Variants in BBX observed in about 807,000 individuals in gnomAD.
BBX encodes the protein HMG box transcription factor BBX.
Under a neutral mutation model 100.2 loss-of-function variants are expected in BBX, and 30 were observed. The ratio of observed to expected loss-of-function variants is 0.30; its 90% CI spans 0.22 to 0.41. The LOEUF (loss-of-function observed/expected upper bound fraction) is 0.41. Ranked by LOEUF, BBX falls within the 10% of genes least tolerant of loss-of-function variation. The probability of loss-of-function intolerance (pLI) is 1.00; values close to 1 mark genes in which losing one functional copy is unlikely to be tolerated. For missense variants in BBX, 1,023 were observed against 1,129.8 expected (o/e 0.91, Z 1.35); for synonymous variants, 376 against 388.1 (o/e 0.97, Z 0.37).
intron 3 of BBX, among the ~76,000 whole-genome samples, chr3:107,673,662 A>G (rs1361708250): frequency 6.6e-6 from 1 of 152,178 alleles, no homozygotes; most frequent in African/African-American, 2.4e-5. Flanking sequence ...GCTGCTTATT[A>G]GAGACAACCG....
At chr3:107,750,303 A>C (rs1193836766) in intron 9 of BBX, among the ~76,000 whole-genome samples, 2 of 152,166 alleles carry the variant, frequency 1.3e-5, no homozygotes, top group Non-Finnish European at 2.9e-5. Context: ...GAGCCTTTTA[A>C]AAAATTATTA....
chr3:107,563,660 C>G (rs1487231253), intron 2 of BBX, among the ~76,000 whole-genome samples: 1 of 152,112 alleles, frequency 6.6e-6, no homozygotes, highest in Non-Finnish European at 1.5e-5. Context: ...GTACTAATTT[C>G]TGAAATTATT....
At chr3:107,652,934 A>G (rs539952622) in intron 3 of BBX, among the ~76,000 whole-genome samples, 3 of 152,320 alleles carry the variant, frequency 2.0e-5, no homozygotes, top group African/African-American at 7.2e-5. Flanking sequence ...AGTTTACTAG[A>G]AAGTCTATTT....
chr3:107,774,941 C>T (rs895176037), intron 12 of BBX, 84 bp downstream of exon 12: 17 of 1,481,536 alleles, frequency 1.1e-5, no homozygotes, highest in African/African-American at 2.8e-5. Flanking sequence ...TCACTAACTA[C>T]GCATGCTTGT....
chr3:107,645,095 T>C (rs1553754392), intron 2 of BBX, among the ~76,000 whole-genome samples: 1 of 152,196 alleles, frequency 6.6e-6, no homozygotes, highest in Non-Finnish European at 1.5e-5. Context: ...TTCTTTTAGT[T>C]GAGTGTGGAT....
intron 8 of BBX, among the ~76,000 whole-genome samples, chr3:107,747,399 A>G (rs1425707429): frequency 6.6e-6 from 1 of 152,126 alleles, no homozygotes; most frequent in Non-Finnish European, 1.5e-5. Flanking sequence ...GCAGATTATT[A>G]TCATCATCAT....
chr3:107,718,157 T>A (rs2062239162), intron 5 of BBX, among the ~76,000 whole-genome samples: 1 of 148,908 alleles, frequency 6.7e-6, no homozygotes, highest in Non-Finnish European at 1.5e-5. Flanking sequence ...CTACTAAAAA[T>A]TATTAATAAT....
rs200987016 is a variant in BBX at position 107,671,096 on chromosome 3, A to AT, written c.-10+25200dup. On this transcript the variant is annotated intron_variant, in intron 3 of 17. Transcript: ENST00000325805. ...TAAAAAAATTTTTTGGAGTATTCTGATTTTTTTTTTTTTCATTGTACAACC... is the reference window on the plus strand; with the variant it reads ...TAAAAAAATTTTTTGGAGTATTCTGATTTTTTTTTTTTTTCATTGTACAACC... Among the ~76,000 whole-genome samples the AT allele has an allele frequency of 4.4e-3, 644 of 144,904 alleles. 2 individuals are homozygous for AT. Among genetic ancestry groups the AT allele is most frequent in the African/African-American group, 9.7e-3 (389 of 39,920 alleles).
Position 107,716,591 on chromosome 3 carries a change from T to G in BBX, c.163-16T>G. 1 of 1,607,044 alleles carries G rather than the reference T, an allele frequency of 6.2e-7. No individual in the cohort carries two copies. The highest frequency in any genetic ancestry group is 8.5e-7 in the Non-Finnish European group (1 of 1,174,512). ...AAAATATGTTAAAGATCTGGCTTTGTTTTTGGTGGTAATAGGTTCAACTTC... is the reference window on the plus strand; with the variant it reads ...AAAATATGTTAAAGATCTGGCTTTGGTTTTGGTGGTAATAGGTTCAACTTC... On this transcript the variant is annotated splice_polypyrimidine_tract_variant and intron_variant, in intron 4 of 17. Coordinates refer to ENST00000325805, the MANE Select transcript of BBX (RefSeq NM_001142568.3).
chr3:107,705,273 C>G (rs2061329406), intron 3 of BBX, among the ~76,000 whole-genome samples: 1 of 152,090 alleles, frequency 6.6e-6, no homozygotes, highest in Non-Finnish European at 1.5e-5. Flanking sequence ...TAATGGGCCT[C>G]CCATACTCTC....
chr3:107,583,785 T>G (rs1469405797), intron 2 of BBX, among the ~76,000 whole-genome samples: 5 of 145,680 alleles, frequency 3.4e-5, no homozygotes, highest in Admixed American at 1.4e-4. Context: ...CCTGAGCAGA[T>G]TAATGATTCT....
rs1408319292 is a variant in BBX, at chr3:107,617,444, A to G, written c.-83-28392A>G. Among the ~76,000 whole-genome samples, 3 of 152,092 alleles carry G rather than the reference A, an allele frequency of 2.0e-5. No homozygotes were observed. In the East Asian group the frequency reaches 5.8e-4, roughly 29 times the overall value. On this transcript the variant is annotated intron_variant, in intron 2 of 17. Transcript: ENST00000325805. ...GTCTACAAGATTATAGGATGTGTCA[A>G]ATCTGTATATCAATTTGGAGAGAAT...
chr3:107,667,540 T>C (rs1018864872), intron 3 of BBX, among the ~76,000 whole-genome samples: 1 of 151,758 alleles, frequency 6.6e-6, no homozygotes, highest in African/African-American at 2.4e-5. Flanking sequence ...AATTTATAAA[T>C]ATATAAATAT....
chr3:107,636,250 G>T lies in BBX; in HGVS notation c.-83-9586G>T, dbSNP rs537401885. On this transcript the variant is annotated intron_variant, in intron 2 of 17. Transcript: ENST00000325805. ...GTAGAATTAGGTCAGTCCCACTCAA[G>T]GAGCCATGGACTATTTTCCCAAAAT... Among the ~76,000 whole-genome samples, 11 of 152,192 alleles carry T rather than the reference G, an allele frequency of 7.2e-5. No homozygotes were observed. In the East Asian group the frequency reaches 2.1e-3, roughly 29 times the overall value.
chr3:107,742,035 T>C (rs949917718), intron 7 of BBX, among the ~76,000 whole-genome samples: 12 of 152,222 alleles, frequency 7.9e-5, no homozygotes, highest in African/African-American at 2.2e-4. Context: ...AGAAGAAATA[T>C]GTCTAACCTG....
At chr3:107,655,805 A>C (rs2058104601) in intron 3 of BBX, among the ~76,000 whole-genome samples, 3 of 151,214 alleles carry the variant, frequency 2.0e-5, no homozygotes, top group Non-Finnish European at 2.9e-5. Flanking sequence ...GATTCGCGCC[A>C]TTCTCCTGCC....
At chr3:107,606,558 A>G (rs543577494) in intron 2 of BBX, among the ~76,000 whole-genome samples, 2 of 152,246 alleles carry the variant, frequency 1.3e-5, no homozygotes, top group African/African-American at 4.8e-5. Flanking sequence ...GTATTTCCAA[A>G]TGTCTGTTTC....
intron 17 of BBX, among the ~76,000 whole-genome samples, chr3:107,802,584 T>C (rs1306263790): frequency 3.5e-4 from 54 of 152,138 alleles, no homozygotes; most frequent in Non-Finnish European, 2.9e-5. Flanking sequence ...ATTGTGGAAA[T>C]AAGAGGGAAT....
At chr3:107,711,472 A>G (rs1259381288) in intron 4 of BBX, 1 of 365,108 alleles carries the variant, frequency 2.7e-6, no homozygotes, top group Non-Finnish European at 5.4e-6. Flanking sequence ...GGCCTTTGAC[A>G]TCCATTCAGT....
Sources: allele counts gnomAD v4.1 joint callset (sites outside exome capture counted in the v4.1 genomes callset), GRCh38; gene constraint gnomAD v4.1.1; transcripts MANE v1.5; gene names NCBI Gene and HGNC (gene_info 2026-07-23, HGNC 2026-07-21).